USP46: variants seen among roughly 807,000 people sequenced by gnomAD.
USP46 encodes ubiquitin carboxyl-terminal hydrolase 46.
Under a neutral mutation model 44.4 loss-of-function variants are expected in USP46, and 12 were observed. The observed-to-expected ratio is 0.27, with a 90% CI of 0.17 to 0.44. The LOEUF (loss-of-function observed/expected upper bound fraction) is 0.44. Among genes scored for constraint, USP46 ranks in the 20% least tolerant of loss-of-function variants. The pLI is 1.00. For synonymous variants in USP46, 155 were observed against 161.5 expected, an observed-to-expected ratio of 0.96 and a Z score of 0.31; for missense variants, 248 against 444.8, an observed-to-expected ratio of 0.56 and a Z score of 3.98.
intron 1 of USP46, among the ~76,000 whole-genome samples, chr4:52,652,418 G>C (rs1228483477): frequency 6.6e-6 from 1 of 152,116 alleles, no homozygotes; most frequent in South Asian, 2.1e-4. Flanking sequence ...ACTGTCAACT[G>C]TGTATACTAT....
Position 52,592,883 on chromosome 4 carries a change from CT to C in USP46, c.*4756del. 2.5e-6 allele frequency: 1 copy of C among 398,422 alleles called. No homozygotes were observed. Among genetic ancestry groups the C allele is most frequent in the East Asian group, 3.6e-5 (1 of 28,064 alleles). The allele number at this position is 398,422 out of a possible 1,614,324, so 24.7% of individuals were successfully genotyped here. A position where few individuals can be genotyped will look rare whatever the true frequency, so the allele number is the denominator to read the frequency against. ...AGTGTGTAACCCCTCCCCCTTTGCT[CT>C]CTTCCTCTTGCTCCTGCCATGTAAG... On this transcript the variant is annotated 3_prime_UTR_variant, in exon 9 of 9. Transcript: ENST00000441222.
chr4:52,638,521 C>A (rs952381729), intron 1 of USP46, among the ~76,000 whole-genome samples: 2 of 151,534 alleles, frequency 1.3e-5, no homozygotes, highest in Non-Finnish European at 2.9e-5. Flanking sequence ...ATACCCCGCC[C>A]CATGCTCTAC....
chr4:52,633,514 A>C (rs1295462351), intron 1 of USP46, among the ~76,000 whole-genome samples: 3 of 152,196 alleles, frequency 2.0e-5, no homozygotes, highest in Non-Finnish European at 4.4e-5. Flanking sequence ...ATTTTCAATA[A>C]AGTTATATCT....
intron 1 of USP46, chr4:52,656,738 ACAT>A (rs1718965847): frequency 6.2e-6 from 2 of 321,268 alleles, no homozygotes; most frequent in Non-Finnish European, 9.1e-6. Flanking sequence ...CACAAAGCCA[ACAT>A]GTGTTAGAAC....
intron 6 of USP46, among the ~76,000 whole-genome samples, chr4:52,603,353 C>T (rs1716551322): frequency 6.6e-6 from 1 of 152,186 alleles, no homozygotes; most frequent in Non-Finnish European, 1.5e-5. Flanking sequence ...GGTGACTAAC[C>T]ATCTGTAAGT....
intron 1 of USP46, among the ~76,000 whole-genome samples, chr4:52,640,065 GA>G (rs987933950): frequency 1.4e-5 from 2 of 145,270 alleles, no homozygotes; most frequent in Non-Finnish European, 1.5e-5. Context: ...TTTCTAACAG[GA>G]AAAAAAAAAT....
At chr4:52,639,701 T>C (rs1210210138) in intron 1 of USP46, among the ~76,000 whole-genome samples, 1 of 151,766 alleles carries the variant, frequency 6.6e-6, no homozygotes, top group Non-Finnish European at 1.5e-5. Flanking sequence ...AAATGAAAAG[T>C]GAATTTTTTT....
chr4:52,625,098 A>C (rs1048721770), intron 4 of USP46, among the ~76,000 whole-genome samples: 2 of 152,210 alleles, frequency 1.3e-5, no homozygotes, highest in African/African-American at 4.8e-5. Context: ...GGAAACTCTG[A>C]GATCCTTAAT....
At position 52,639,748 on chromosome 4, in the gene USP46, G is replaced by A. The variant is rs530059004; in HGVS notation, c.37-8604C>T. Among the ~76,000 whole-genome samples, 8 of 152,064 alleles carry A rather than the reference G, an allele frequency of 5.3e-5. No individual in the cohort carries two copies. In the East Asian group the frequency reaches 1.5e-3, roughly 29 times the overall value. ...TTCTCACTCTGTCGCCCAGGCTGGA[G>A]TGCAGTGGTGCTAACAGGGTTCACT... On this transcript the variant is annotated intron_variant, in intron 1 of 8. Coordinates refer to ENST00000441222, the MANE Select transcript of USP46 (RefSeq NM_022832.4).
intron 4 of USP46, among the ~76,000 whole-genome samples, chr4:52,619,059 G>T (rs889465329): frequency 1.3e-5 from 2 of 152,038 alleles, no homozygotes; most frequent in African/African-American, 4.8e-5. Flanking sequence ...GCTCCAACTG[G>T]GCTAACAAAT....
chr4:52,633,083 G>A (rs887983988), intron 1 of USP46, among the ~76,000 whole-genome samples: 1 of 152,074 alleles, frequency 6.6e-6, no homozygotes, highest in Non-Finnish European at 1.5e-5. Context: ...ACTTATTTTG[G>A]ACTCACAACT....
chr4:52,640,806 C>CA (rs757615381), intron 1 of USP46, among the ~76,000 whole-genome samples: 2,420 of 82,478 alleles, frequency 0.029, 53 homozygotes, highest in African/African-American at 0.087. Context: ...AACTCCATCT[C>CA]AAAAAAAAAA....
Position 52,626,181 on chromosome 4 carries a change from G to A in USP46, c.398C>T (p.Ala133Val), listed in dbSNP as rs759572548. 8.1e-6 allele frequency: 13 copies of A among 1,613,676 alleles called. No individual in the cohort carries two copies. Among genetic ancestry groups the A allele is most frequent in the East Asian group, 4.5e-5 (2 of 44,876 alleles). The change falls in exon 4 of 9, where the codon GCG becomes GTG. Residue 133 changes from alanine to valine, a missense_variant. Coordinates refer to ENST00000441222, the MANE Select transcript of USP46 (RefSeq NM_022832.4). ...TTTCTTCTCCTCCTGAAGGATGTCC[G>A]CAATAGTGTTTAGCAAATAATTTAA... is the stretch of plus-strand genomic sequence containing the variant. Reference protein sequence around the residue: ...EFLNYLLNTIADILQEEKKQE... With the variant: ...EFLNYLLNTIVDILQEEKKQE...
At chr4:52,643,985 T>C (rs1718446245) in intron 1 of USP46, among the ~76,000 whole-genome samples, 1 of 152,236 alleles carries the variant, frequency 6.6e-6, no homozygotes, top group Non-Finnish European at 1.5e-5. Context: ...GAACTGTCTC[T>C]GAGTATGTCC....
At chr4:52,630,736 CAAAAAAAAAAAAA>C in intron 2 of USP46, among the ~76,000 whole-genome samples, 1 of 92,290 alleles carries the variant, frequency 1.1e-5, no homozygotes, top group Non-Finnish European at 2.2e-5. Flanking sequence ...GACTCTGTCT[CAAAAAAAAAAAAA>C]AAAAAAGAAA....
At position 52,593,177 on chromosome 4, in the gene USP46, G is replaced by A. The variant is rs901337507; in HGVS notation, c.*4463C>T. The A allele has an allele frequency of 3.4e-5, 13 of 378,776 alleles. No homozygotes were observed. The highest frequency in any genetic ancestry group is 6.7e-4 in the Middle Eastern group (1 of 1,496). The allele number at this position is 378,776 out of a possible 1,614,324, so 23.5% of individuals were successfully genotyped here. On this transcript the variant is annotated 3_prime_UTR_variant, in exon 9 of 9. Transcript: ENST00000441222. ...GGTATTTTAAGTATCAATAAAAAGAGAGGAAAGGAAATTTGAAGAAATGGG... is the reference window on the plus strand; with the variant it reads ...GGTATTTTAAGTATCAATAAAAAGAAAGGAAAGGAAATTTGAAGAAATGGG...
At chr4:52,658,395 C>T (rs1719037341) in intron 1 of USP46, 3 of 404,864 alleles carry the variant, frequency 7.4e-6, no homozygotes, top group African/African-American at 6.2e-5. Flanking sequence ...TGCCCGCCAG[C>T]CTCCCCTAGG....
At chr4:52,643,414 A>G (rs1372546944) in intron 1 of USP46, among the ~76,000 whole-genome samples, 4 of 152,248 alleles carry the variant, frequency 2.6e-5, no homozygotes, top group Non-Finnish European at 4.4e-5. Context: ...ACTGCAACAC[A>G]GCCATGATCA....
chr4:52,625,897 G>T, intron 4 of USP46, 121 bp downstream of exon 4: 2 of 1,012,158 alleles, frequency 2.0e-6, no homozygotes, highest in Non-Finnish European at 2.9e-6. Flanking sequence ...TGCATAAATA[G>T]GATTATTTAC....
Sources: allele counts gnomAD v4.1 joint callset (sites outside exome capture counted in the v4.1 genomes callset), GRCh38; gene constraint gnomAD v4.1.1; transcripts MANE v1.5; gene names NCBI Gene and HGNC (gene_info 2026-07-23, HGNC 2026-07-21).